Variants in CMTM7 observed in about 807,000 individuals in gnomAD.
The protein encoded by CMTM7 is CKLF-like MARVEL transmembrane domain-containing protein 7.
In CMTM7, 7 loss-of-function variants were observed where a neutral mutation model predicts 19.3. The observed-to-expected ratio is 0.36, with a 90% confidence interval of 0.21 to 0.68. The LOEUF is 0.68. CMTM7 is among the 30% of genes least tolerant of loss of function. The pLI, the probability that CMTM7 is intolerant of heterozygous loss-of-function variation, is 0.60. For missense variants in CMTM7, 193 were observed against 232.6 expected (o/e 0.83, Z 1.11); for synonymous variants, 87 against 99.3 (o/e 0.88, Z 0.74).
chr3:32,449,424 C>T lies in CMTM7; in HGVS notation c.334-30C>T, dbSNP rs1207360050. 1 of 1,494,382 alleles carries T rather than the reference C, an allele frequency of 6.7e-7. No homozygotes were observed. Among genetic ancestry groups the T allele is most frequent in the Non-Finnish European group, 9.3e-7 (1 of 1,070,878 alleles). The allele number at this position is 1,494,382 out of a possible 1,614,324, so 92.6% of individuals were successfully genotyped here. ...CCCGGACCAGAAATGGACGGCCCTA[C>T]CCACTTATTTGCTTTGTTTCTGCCC... On this transcript the variant is annotated intron_variant, in intron 2 of 4. Coordinates refer to ENST00000334983, the MANE Select transcript of CMTM7 (RefSeq NM_138410.4). This position sits in a 1 kb window ranked among gnomAD's most constrained non-coding sequence, Gnocchi z 4.5.
intron 1 of CMTM7, among the ~76,000 whole-genome samples, chr3:32,402,373 A>G (rs947692613): frequency 1.6e-4 from 24 of 152,014 alleles, no homozygotes; most frequent in Non-Finnish European, 2.6e-4. Flanking sequence ...TGGCCTCCCA[A>G]AGTGCTGGGA....
At chr3:32,439,836 G>A (rs570376387) in intron 1 of CMTM7, among the ~76,000 whole-genome samples, 1 of 152,362 alleles carries the variant, frequency 6.6e-6, no homozygotes, top group South Asian at 2.1e-4. Flanking sequence ...TAGTACTGTA[G>A]TTGAGGGGCC....
At chr3:32,452,049 C>T in intron 3 of CMTM7, 1 of 1,334,844 alleles carries the variant, frequency 7.5e-7, no homozygotes, top group South Asian at 1.2e-5. Flanking sequence ...TCATCCTTTT[C>T]TTCTCTTTTG....
chr3:32,433,515 G>A (rs529143604), intron 1 of CMTM7, among the ~76,000 whole-genome samples: 6 of 152,234 alleles, frequency 3.9e-5, no homozygotes, highest in Admixed American at 2.0e-4. Flanking sequence ...GGCACCCTCC[G>A]GGGGCATTTG....
intron 3 of CMTM7, 104 bp from the exon 4 acceptor site, chr3:32,452,288 C>T: frequency 6.3e-7 from 1 of 1,598,514 alleles, no homozygotes; most frequent in Non-Finnish European, 8.5e-7. Flanking sequence ...TCCTTTCTGG[C>T]CAGAGACATG....
intron 1 of CMTM7, 88 bp downstream of exon 1, chr3:32,392,153 C>G: frequency 9.7e-7 from 1 of 1,031,744 alleles, no homozygotes; most frequent in Non-Finnish European, 1.2e-6. Context: ...GGCGTCTGGA[C>G]CCGGCCGGAG....
At chr3:32,416,790 G>GT (rs1290171836) in intron 1 of CMTM7, among the ~76,000 whole-genome samples, 2 of 152,064 alleles carry the variant, frequency 1.3e-5, no homozygotes, top group Middle Eastern at 3.2e-3. Context: ...TTGCTTTAAG[G>GT]TTTTTCTTTT....
chr3:32,400,193 T>C (rs1007462527), intron 1 of CMTM7, among the ~76,000 whole-genome samples: 1 of 151,868 alleles, frequency 6.6e-6, no homozygotes, highest in African/African-American at 2.4e-5. Flanking sequence ...CTAATTTTTG[T>C]ATTTTTAGTA....
intron 1 of CMTM7, among the ~76,000 whole-genome samples, chr3:32,423,083 A>G (rs186814616): frequency 1.3e-5 from 2 of 152,340 alleles, no homozygotes; most frequent in East Asian, 1.9e-4. Flanking sequence ...GGCTCTGCTC[A>G]TTATAAATTA....
intron 1 of CMTM7, among the ~76,000 whole-genome samples, chr3:32,430,681 A>ATGTGTGTGTGTGTGTG (rs35054129): frequency 0.14 from 19,073 of 133,650 alleles, 1,647 homozygotes; most frequent in South Asian, 0.18. Flanking sequence ...CTACATCTGA[A>ATGTGTGTGTGTGTGTG]TGTGTGTGTG....
intron 2 of CMTM7, among the ~76,000 whole-genome samples, chr3:32,448,739 G>A (rs1175363793): frequency 3.3e-5 from 5 of 152,008 alleles, no homozygotes; most frequent in East Asian, 1.9e-4. Flanking sequence ...GAGCTTGGCC[G>A]GGAGGGCACT....
chr3:32,393,103 C>T (rs1179106661), intron 1 of CMTM7, among the ~76,000 whole-genome samples: 1 of 152,058 alleles, frequency 6.6e-6, no homozygotes, highest in Non-Finnish European at 1.5e-5. Context: ...AAGCTGGGGC[C>T]TGCTAAGGTG....
chr3:32,432,003 C>T (rs146315377), intron 1 of CMTM7, among the ~76,000 whole-genome samples: 13 of 152,320 alleles, frequency 8.5e-5, no homozygotes, highest in African/African-American at 2.4e-4. Flanking sequence ...AAGCTCAAAC[C>T]ACCGAGTTGT....
chr3:32,394,001 G>T (rs925230893), intron 1 of CMTM7, among the ~76,000 whole-genome samples: 2 of 152,180 alleles, frequency 1.3e-5, no homozygotes, highest in Non-Finnish European at 2.9e-5. Flanking sequence ...TCTTTATCTG[G>T]TTGCTTATTC....
intron 1 of CMTM7, among the ~76,000 whole-genome samples, chr3:32,396,821 G>A (rs1381378761): frequency 6.6e-6 from 1 of 152,238 alleles, no homozygotes; most frequent in East Asian, 1.9e-4. Flanking sequence ...GGTCTGAGCT[G>A]AAAGGGATGC....
intron 1 of CMTM7, among the ~76,000 whole-genome samples, chr3:32,406,613 G>A (rs965945906): frequency 1.3e-5 from 2 of 152,204 alleles, no homozygotes; most frequent in African/African-American, 4.8e-5. Flanking sequence ...GGAACAAGAA[G>A]ACCTGCTTAA....
At chr3:32,392,266 C>G (rs895593620) in intron 1 of CMTM7, among the ~76,000 whole-genome samples, 1 of 152,178 alleles carries the variant, frequency 6.6e-6, no homozygotes, top group Non-Finnish European at 1.5e-5. Context: ...GGAGCTCAGT[C>G]CCCAGAGCCG....
intron 1 of CMTM7, among the ~76,000 whole-genome samples, chr3:32,433,797 A>G (rs1047581832): frequency 1.3e-5 from 2 of 152,196 alleles, no homozygotes; most frequent in Admixed American, 1.3e-4. Context: ...ACCAATGGGG[A>G]AAAAGTGAGC....
intron 1 of CMTM7, among the ~76,000 whole-genome samples, chr3:32,405,089 C>G (rs750278696): frequency 2.0e-5 from 3 of 152,190 alleles, no homozygotes; most frequent in Admixed American, 6.5e-5. Flanking sequence ...GCCTTCAGAC[C>G]TATGGTTACA....
Sources: gnomAD v4.1 joint callset for allele counts (sites outside exome capture counted in the v4.1 genomes callset) on GRCh38, gnomAD v4.1.1 for gene constraint, Gnocchi (gnomAD v3.1) non-coding constraint, MANE v1.5 for transcripts, NCBI Gene and HGNC (gene_info 2026-07-23, HGNC 2026-07-21) for gene names.